DLG2: variants seen among roughly 807,000 people sequenced by gnomAD.
The protein encoded by DLG2 is disks large homolog 2.
A neutral mutation model predicts 132.5 loss-of-function variants in DLG2; 45 were observed. The ratio of observed to expected loss-of-function variants is 0.34; its 90% CI spans 0.27 to 0.44. DLG2 has a LOEUF of 0.44. DLG2 is among the 20% of genes least tolerant of loss of function. DLG2 has a pLI of 1.00. For synonymous variants in DLG2, 424 were observed against 419.6 expected (o/e 1.01, Z -0.13); for missense variants, 1,045 against 1,196.9 (o/e 0.87, Z 1.87).
chr11:84,554,562 C>A (rs1245320784), intron 6 of DLG2, among the ~76,000 whole-genome samples: 1 of 152,074 alleles, frequency 6.6e-6, no homozygotes, highest in Non-Finnish European at 1.5e-5. Flanking sequence ...GCCTGACCAA[C>A]ATGGAGAAAT....
At chr11:85,406,491 G>A (rs1187306774) in intron 3 of DLG2, among the ~76,000 whole-genome samples, 2 of 143,466 alleles carry the variant, frequency 1.4e-5, no homozygotes, top group East Asian at 2.0e-4. Flanking sequence ...TTAAATCTAA[G>A]CAGCTGCTGT....
chr11:84,615,818 T>TAAAACAAAAAAAAAAAAAAAAAAAAAAA (rs2099603010), intron 6 of DLG2, among the ~76,000 whole-genome samples: 1 of 67,640 alleles, frequency 1.5e-5, no homozygotes, highest in Non-Finnish European at 2.8e-5. Context: ...ACAAAAACGG[T>TAAAACAAAAAAAAAAAAAAAAAAAAAAA]AAAAAAAAAA....
chr11:84,802,097 T>C (rs2075456487), intron 6 of DLG2, among the ~76,000 whole-genome samples: 1 of 148,740 alleles, frequency 6.7e-6, no homozygotes, highest in Non-Finnish European at 1.5e-5. Context: ...TTACTTTTAG[T>C]TAAAAAAAAA....
In DLG2 at chr11:85,030,523, G is replaced by A. The variant is rs536901232; in HGVS notation, c.357+81138C>T. ...AAGCAGTGATCAAATTATGTTTTCTGATTTTGTTATTCATGCTTTAAAAGT... is the reference window on the plus strand; with the variant it reads ...AAGCAGTGATCAAATTATGTTTTCTAATTTTGTTATTCATGCTTTAAAAGT... On this transcript the variant is annotated intron_variant, in intron 6 of 27. Transcript: ENST00000376104. Among the ~76,000 whole-genome samples the A allele has an allele frequency of 1.4e-4, 22 of 152,186 alleles. No homozygotes were observed. The South Asian group carries it at 3.7e-3, about 26-fold the overall frequency.
chr11:84,974,319 A>G (rs1486779955), intron 6 of DLG2, among the ~76,000 whole-genome samples: 1 of 152,196 alleles, frequency 6.6e-6, no homozygotes, highest in Admixed American at 6.5e-5. Context: ...TGGTGGTATT[A>G]ACAGTTAAGA....
intron 4 of DLG2, among the ~76,000 whole-genome samples, chr11:85,250,110 G>A (rs1225401965): frequency 6.6e-6 from 1 of 152,162 alleles, no homozygotes; most frequent in Non-Finnish European, 1.5e-5. Context: ...CCACATGGGT[G>A]AAGAGGAATA....
chr11:83,661,169 T>TG (rs1037129711), intron 18 of DLG2, among the ~76,000 whole-genome samples: 2 of 152,150 alleles, frequency 1.3e-5, no homozygotes, highest in Admixed American at 1.3e-4. Context: ...GTGCTGGCTC[T>TG]GGGGAAAAAG....
chr11:84,734,832 G>A (rs555600971), intron 6 of DLG2, among the ~76,000 whole-genome samples: 6 of 152,192 alleles, frequency 3.9e-5, no homozygotes, highest in Non-Finnish European at 8.8e-5. Context: ...AATTGATTGA[G>A]AGTTTTTAGC....
chr11:84,622,389 T>G (rs1367300789), intron 6 of DLG2, among the ~76,000 whole-genome samples: 3 of 152,150 alleles, frequency 2.0e-5, no homozygotes, highest in Non-Finnish European at 1.5e-5. Flanking sequence ...TTACTGATAT[T>G]GGGTATTACG....
At chr11:83,882,392 T>C (rs2066523056) in intron 15 of DLG2, among the ~76,000 whole-genome samples, 1 of 152,220 alleles carries the variant, frequency 6.6e-6, no homozygotes, top group East Asian at 1.9e-4. Flanking sequence ...TTGTGGACAA[T>C]TAAGAAATCA....
intron 6 of DLG2, among the ~76,000 whole-genome samples, chr11:85,084,695 C>T (rs1020344958): frequency 1.3e-5 from 2 of 152,076 alleles, no homozygotes; most frequent in African/African-American, 4.8e-5. Context: ...ATCCATATCT[C>T]CTCCCATTAT....
At chr11:84,946,100 G>C (rs147784322) in intron 6 of DLG2, among the ~76,000 whole-genome samples, 7 of 152,082 alleles carry the variant, frequency 4.6e-5, no homozygotes, top group Non-Finnish European at 1.0e-4. Flanking sequence ...GTGCCTCTCC[G>C]TTAAGGGCAG....
chr11:83,627,492 C>T (rs527998749), intron 19 of DLG2, among the ~76,000 whole-genome samples: 1 of 152,264 alleles, frequency 6.6e-6, no homozygotes, highest in South Asian at 2.1e-4. Flanking sequence ...CGACAGTTTG[C>T]TCAGAACGAT....
chr11:83,631,488 C>G (rs941637659), intron 19 of DLG2: 5 of 152,108 alleles, frequency 3.3e-5, no homozygotes, highest in Admixed American at 1.3e-4. Context: ...CAATCTCCAA[C>G]CATTACTTTG....
intron 3 of DLG2, among the ~76,000 whole-genome samples, chr11:85,471,600 A>G (rs1312688859): frequency 6.6e-6 from 1 of 152,212 alleles, no homozygotes; most frequent in Non-Finnish European, 1.5e-5. Flanking sequence ...GAAAGCTGTT[A>G]GGAAACACTA....
At chr11:83,954,852 TG>T (rs1183512721) in intron 14 of DLG2, among the ~76,000 whole-genome samples, 51 of 152,228 alleles carry the variant, frequency 3.4e-4, no homozygotes, top group Admixed American at 3.3e-3. Flanking sequence ...AGATATTCAT[TG>T]TAGTCATAAA....
chr11:85,060,202 C>T (rs2063907789), intron 6 of DLG2, among the ~76,000 whole-genome samples: 1 of 151,458 alleles, frequency 6.6e-6, no homozygotes, highest in Non-Finnish European at 1.5e-5. Context: ...GTATTTGTCC[C>T]ATCACTGGCT....
chr11:85,038,409 C>A (rs935416880), intron 6 of DLG2, among the ~76,000 whole-genome samples: 1 of 152,030 alleles, frequency 6.6e-6, no homozygotes, highest in Non-Finnish European at 1.5e-5. Context: ...TAAGTACCTG[C>A]ACCCACACAG....
rs180975726 is a variant in DLG2, at chr11:84,659,109, G to C, written c.358-124378C>G. 3.9e-5 allele frequency among the ~76,000 whole-genome samples: 6 copies of C among 152,248 alleles called. No homozygotes were observed. In the East Asian group the frequency reaches 1.2e-3, roughly 29 times the overall value. On this transcript the variant is annotated intron_variant, in intron 6 of 27. Transcript: ENST00000376104. ...CAGCCTGAATAAGCTAAGACAATGA[G>C]AAAGGAACTTCTTTCTTTTTACTTC...
Sources: gnomAD v4.1 joint callset for allele counts (sites outside exome capture counted in the v4.1 genomes callset) on GRCh38, gnomAD v4.1.1 for gene constraint, MANE v1.5 for transcripts, NCBI Gene and HGNC (gene_info 2026-07-23, HGNC 2026-07-21) for gene names.